Variants in ATRNL1 observed in about 807,000 individuals in gnomAD.
ATRNL1 encodes attractin-like protein 1.
In ATRNL1, 95 loss-of-function variants were observed where a neutral mutation model predicts 182.7. The observed-to-expected ratio is 0.52, with a 90% CI of 0.44 to 0.62. ATRNL1 has a LOEUF of 0.62. Ranked by LOEUF, ATRNL1 falls within the 20% of genes least tolerant of loss-of-function variation. ATRNL1 has a pLI of 0.00. For missense variants in ATRNL1, 1,471 were observed against 1,679.5 expected, an observed-to-expected ratio of 0.88 and a Z score of 2.17; for synonymous variants, 576 against 568.3, an observed-to-expected ratio of 1.01 and a Z score of -0.19.
chr10:115,663,106 G>A (rs571054764), intron 26 of ATRNL1, among the ~76,000 whole-genome samples: 1 of 152,098 alleles, frequency 6.6e-6, no homozygotes, highest in South Asian at 2.1e-4. Flanking sequence ...TAACTGGTTA[G>A]TATATGCCAA....
chr10:115,164,960 TAGA>T (rs1330866191), intron 6 of ATRNL1, among the ~76,000 whole-genome samples: 2 of 151,982 alleles, frequency 1.3e-5, no homozygotes, highest in African/African-American at 4.8e-5. Flanking sequence ...TCAAAATAGC[TAGA>T]AGAGAAGAAA....
intron 1 of ATRNL1, among the ~76,000 whole-genome samples, chr10:115,107,461 G>A (rs1289418690): frequency 6.6e-6 from 1 of 152,184 alleles, no homozygotes; most frequent in African/African-American, 2.4e-5. Context: ...TGAGGATTGG[G>A]CTCCCAAGAC....
intron 6 of ATRNL1, among the ~76,000 whole-genome samples, chr10:115,163,380 T>A (rs895775670): frequency 6.6e-6 from 1 of 151,978 alleles, no homozygotes; most frequent in Non-Finnish European, 1.5e-5. Flanking sequence ...TTTGCTTTTT[T>A]CTTTTATTTC....
rs189575854 is a variant in ATRNL1, at chr10:115,274,737, G to A, written c.2100+6293G>A. 6.0e-3 allele frequency among the ~76,000 whole-genome samples: 913 copies of A among 152,252 alleles called. 5 individuals carry two copies. Among genetic ancestry groups the A allele is most frequent in the Non-Finnish European group, 0.01 (704 of 68,018 alleles). ...ACAGTGAAGGTGTATTGCTACCATT[G>A]CCAGCTGAAAACAAACTGCTTCTGG... On this transcript the variant is annotated intron_variant, in intron 13 of 28. Coordinates refer to ENST00000355044, the MANE Select transcript of ATRNL1 (RefSeq NM_207303.4).
At chr10:115,527,001 T>C (rs577445819) in intron 25 of ATRNL1, among the ~76,000 whole-genome samples, 1 of 152,100 alleles carries the variant, frequency 6.6e-6, no homozygotes, top group South Asian at 2.1e-4. Context: ...AGTCCTTGAC[T>C]AAGGACAGCC....
At chr10:115,325,721 G>A (rs1261754197) in intron 18 of ATRNL1, among the ~76,000 whole-genome samples, 1 of 152,010 alleles carries the variant, frequency 6.6e-6, no homozygotes, top group Non-Finnish European at 1.5e-5. Context: ...TTTTGCTAGG[G>A]AACTTCTTTT....
At chr10:115,362,988 C>T (rs1267895900) in intron 19 of ATRNL1, among the ~76,000 whole-genome samples, 1 of 151,994 alleles carries the variant, frequency 6.6e-6, no homozygotes, top group Non-Finnish European at 1.5e-5. Context: ...CATACGTGTG[C>T]ATGTGTCTTT....
At chr10:115,410,608 C>T (rs1045988827) in intron 20 of ATRNL1, among the ~76,000 whole-genome samples, 2 of 151,942 alleles carry the variant, frequency 1.3e-5, no homozygotes, top group Admixed American at 6.6e-5. Context: ...CATGAGCCAC[C>T]GCACCTGGCC....
rs570655951 is a variant in ATRNL1, at chr10:115,905,694, T to C, written c.4019-38964T>C. Among the ~76,000 whole-genome samples, 8 of 152,268 alleles carry C rather than the reference T, an allele frequency of 5.3e-5. No homozygotes were observed. In the South Asian group the frequency reaches 1.7e-3, roughly 32 times the overall value. The stretch of plus-strand genomic sequence containing the variant: ...CATCCGTGTAAATGGTCAACTCCAG[T>C]AAATGTTCTTGAAAATGGTCTACTC... On this transcript the variant is annotated intron_variant, in intron 28 of 28. Coordinates refer to ENST00000355044, the MANE Select transcript of ATRNL1 (RefSeq NM_207303.4).
intron 5 of ATRNL1, among the ~76,000 whole-genome samples, chr10:115,137,408 A>G (rs1845563079): frequency 6.6e-6 from 1 of 152,242 alleles, no homozygotes; most frequent in Non-Finnish European, 1.5e-5. Context: ...CCTTGCAGCT[A>G]GTATGGCTAT....
intron 24 of ATRNL1, among the ~76,000 whole-genome samples, chr10:115,479,286 G>T (rs1848660526): frequency 6.6e-6 from 1 of 151,468 alleles, no homozygotes; most frequent in African/African-American, 2.4e-5. Context: ...TTATATCTAT[G>T]AATGGAATTC....
At chr10:115,716,822 G>T (rs1555056456) in intron 26 of ATRNL1, among the ~76,000 whole-genome samples, 1 of 152,066 alleles carries the variant, frequency 6.6e-6, no homozygotes, top group Non-Finnish European at 1.5e-5. Context: ...GCATTCATTT[G>T]TCCCTCTCTT....
Position 115,772,776 on chromosome 10 carries a change from A to G in ATRNL1, c.3903+45421A>G, listed in dbSNP as rs1949027635. Among the ~76,000 whole-genome samples the G allele has an allele frequency of 1.3e-5, 2 of 152,220 alleles. 1 individual carries two copies. Among genetic ancestry groups the G allele is most frequent in the Non-Finnish European group, 2.9e-5 (2 of 68,040 alleles). On this transcript the variant is annotated intron_variant, in intron 27 of 28. Transcript: ENST00000355044. Reference sequence around the variant, plus strand: ...CTAAACCTGTGATTCATAGCAGCTTAGAGCACTCAAGGCCAAAGAGTACAT... The same window carrying G: ...CTAAACCTGTGATTCATAGCAGCTTGGAGCACTCAAGGCCAAAGAGTACAT...
intron 9 of ATRNL1, among the ~76,000 whole-genome samples, chr10:115,219,706 A>G (rs1188784882): frequency 3.9e-5 from 6 of 152,064 alleles, no homozygotes; most frequent in Admixed American, 3.3e-4. Flanking sequence ...AGTTTGAGAC[A>G]AGCCTGGCTA....
intron 24 of ATRNL1, among the ~76,000 whole-genome samples, chr10:115,473,824 A>G (rs1483320644): frequency 6.6e-6 from 1 of 151,200 alleles, no homozygotes; most frequent in Non-Finnish European, 1.5e-5. Flanking sequence ...CTAGGAATTT[A>G]TTCATTCTTT....
intron 10 of ATRNL1, among the ~76,000 whole-genome samples, chr10:115,258,693 G>A (rs1187501094): frequency 1.3e-5 from 2 of 152,016 alleles, no homozygotes; most frequent in Admixed American, 6.6e-5. Context: ...AGGAGAAGAG[G>A]CACTCCAATT....
intron 27 of ATRNL1, among the ~76,000 whole-genome samples, chr10:115,792,705 C>G (rs1211256613): frequency 6.6e-6 from 1 of 151,856 alleles, no homozygotes; most frequent in Non-Finnish European, 1.5e-5. Flanking sequence ...ATAAGTTTTT[C>G]TTTAGTTTTT....
chr10:115,269,707 T>C (rs1554912188), intron 13 of ATRNL1, among the ~76,000 whole-genome samples: 4 of 152,210 alleles, frequency 2.6e-5, no homozygotes, highest in South Asian at 4.1e-4. Context: ...CTGAATATAA[T>C]GTATCATTTT....
chr10:115,449,949 C>A lies in ATRNL1; in HGVS notation c.3323-11992C>A, dbSNP rs1205573855. ...AGCACATCAAAAAGCTAATACACCA[C>A]AATCAAGTAAGTAAGTAGGCTTCAT... is the stretch of plus-strand genomic sequence containing the variant. On this transcript the variant is annotated intron_variant, in intron 21 of 28. Transcript: ENST00000355044. 3.3e-5 allele frequency among the ~76,000 whole-genome samples: 5 copies of A among 152,096 alleles called. 1 individual carries two copies. Among genetic ancestry groups the A allele is most frequent in the Admixed American group, 3.3e-4 (5 of 15,266 alleles).
Sources: gnomAD v4.1 joint callset for allele counts (sites outside exome capture counted in the v4.1 genomes callset) on GRCh38, gnomAD v4.1.1 for gene constraint, MANE v1.5 for transcripts, NCBI Gene and HGNC (gene_info 2026-07-23, HGNC 2026-07-21) for gene names.